The following GHRHR variants were observed in gnomAD, a reference collection of about 807,000 sequenced individuals.
The protein encoded by GHRHR is growth hormone-releasing hormone receptor.
In GHRHR, 40 loss-of-function variants were observed where a neutral mutation model predicts 58.3. That is an observed-to-expected ratio of 0.69 (90% CI 0.53 to 0.89). GHRHR has a LOEUF of 0.89. Among genes scored for constraint, GHRHR ranks in the 40% least tolerant of loss-of-function variants. The pLI is 0.00. For missense variants in GHRHR, 551 were observed against 541.3 expected (o/e 1.02, Z -0.18); for synonymous variants, 249 against 216.6 (o/e 1.15, Z -1.31).
chr7:30,965,261 A>G (rs1259792234), intron 1 of GHRHR, among the ~76,000 whole-genome samples: 1 of 152,178 alleles, frequency 6.6e-6, no homozygotes, highest in Non-Finnish European at 1.5e-5. Flanking sequence ...GTGGCCATTC[A>G]GCAGATGGTG....
At chr7:30,974,511 G>T in intron 8 of GHRHR, 22 bp downstream of exon 8, 6 of 1,564,238 alleles carry the variant, frequency 3.8e-6, no homozygotes, top group Non-Finnish European at 5.3e-6. Context: ...CGGCCACCTT[G>T]TCATACCCGC....
At chr7:30,968,357 A>G (rs902654218) in intron 1 of GHRHR, among the ~76,000 whole-genome samples, 4 of 152,040 alleles carry the variant, frequency 2.6e-5, no homozygotes, top group African/African-American at 9.7e-5. Context: ...ATGAGAATGG[A>G]GTTGGCCATC....
intron 1 of GHRHR, 101 bp from the exon 2 acceptor site, chr7:30,968,733 G>A (rs1792411194): frequency 1.3e-6 from 1 of 758,550 alleles, no homozygotes; most frequent in Non-Finnish European, 2.4e-6. Context: ...TTAGGGCACA[G>A]ATATGAATCA....
rs1361718232 is a variant in GHRHR at position 30,975,005 on chromosome 7, T to C, written c.847T>C (p.Trp283Arg). ...CCTGGACGACACCTCCCCCTACTGGTGGATCATCAAAGGGCCCATTGTCCT... is the reference window on the plus strand; with the variant it reads ...CCTGGACGACACCTCCCCCTACTGGCGGATCATCAAAGGGCCCATTGTCCT... ...WDLDDTSPYWWIIKGPIVLSV... is the reference protein window; with the variant it reads ...WDLDDTSPYWRIIKGPIVLSV... Residue 283 changes from tryptophan to arginine, a missense_variant, in exon 9 of 13, where the codon TGG (tryptophan) becomes CGG (arginine). Transcript: ENST00000326139. The C allele has an allele frequency of 7.4e-6, 12 of 1,613,110 alleles. No homozygotes were observed. The highest frequency in any genetic ancestry group is 8.5e-6 in the Non-Finnish European group (10 of 1,179,282).
intron 1 of GHRHR, among the ~76,000 whole-genome samples, chr7:30,966,703 C>T (rs1191486764): frequency 6.6e-6 from 1 of 151,884 alleles, no homozygotes; most frequent in East Asian, 1.9e-4. Flanking sequence ...AGTACAGTGG[C>T]ACAATCTCAG....
intron 9 of GHRHR, 82 bp from the exon 10 acceptor site, chr7:30,975,695 C>T (rs1792561757): frequency 5.0e-6 from 4 of 797,440 alleles, no homozygotes; most frequent in African/African-American, 3.4e-5. Flanking sequence ...TTTCTAGTCC[C>T]CAAATGGGCT....
intron 6 of GHRHR, 77 bp downstream of exon 6, chr7:30,972,172 C>T (rs1584413914): frequency 6.5e-7 from 1 of 1,530,654 alleles, no homozygotes; most frequent in Non-Finnish European, 9.0e-7. Flanking sequence ...GTGCCTGCGT[C>T]AGGCTTCCCT....
At chr7:30,977,189 G>A in intron 11 of GHRHR, 92 bp from the exon 12 acceptor site, 1 of 1,179,946 alleles carries the variant, frequency 8.5e-7, no homozygotes, top group East Asian at 2.3e-5. Flanking sequence ...CATAGCCTGG[G>A]GATGAGTAGG....
chr7:30,970,619 C>G (rs1792462240), intron 4 of GHRHR, among the ~76,000 whole-genome samples: 1 of 152,244 alleles, frequency 6.6e-6, no homozygotes, highest in Non-Finnish European at 1.5e-5. Flanking sequence ...GCTCCCTTCC[C>G]TTGCCTGCAC....
In GHRHR at chr7:30,964,137, G is replaced by T; in HGVS notation, c.57+12G>T. Reference sequence around the variant, plus strand: ...GCCCGTTACCGACCGTGAGTAGCCAGCTGAGACCCTCTGGCCTCTGCCACT... The same window carrying T: ...GCCCGTTACCGACCGTGAGTAGCCATCTGAGACCCTCTGGCCTCTGCCACT... On this transcript the variant is annotated intron_variant, in intron 1 of 12. Transcript: ENST00000326139. 1 of 1,546,534 alleles carries T rather than the reference G, an allele frequency of 6.5e-7. No homozygotes were observed.
At chr7:30,976,681 AT>A (rs1792591506) in intron 11 of GHRHR, 123 bp downstream of exon 11, 6 of 811,412 alleles carry the variant, frequency 7.4e-6, no homozygotes, top group Non-Finnish European at 1.0e-5. Context: ...ATCTATTCAA[AT>A]ATCTGTCTGT....
rs958401552 is a variant in GHRHR, at chr7:30,968,929, C to T, written c.153C>T (p.Thr51=). Residue 51 remains threonine (T), a synonymous_variant, in exon 2 of 13, where the codon ACC becomes ACT. Transcript: ENST00000326139. ...AAGCAGCAGAGGAGATGCCCAACAC[C>T]ACCCTGGGTATGGGGCCTAGGAGGC... ...CLQAAEEMPN[T]TLGCPATWDG... 2.5e-6 allele frequency: 4 copies of T among 1,610,358 alleles called. No individual in the cohort carries two copies. Among genetic ancestry groups the T allele is most frequent in the Non-Finnish European group, 2.5e-6 (3 of 1,176,734 alleles).
At chr7:30,973,617 T>C (rs1028604369) in intron 6 of GHRHR, among the ~76,000 whole-genome samples, 2 of 152,204 alleles carry the variant, frequency 1.3e-5, no homozygotes, top group African/African-American at 2.4e-5. Flanking sequence ...AGGGATTGAC[T>C]TCAGCTCAGG....
chr7:30,979,044 C>A lies in GHRHR; in HGVS notation c.1147-75C>A, dbSNP rs1443142262. The A allele has an allele frequency of 5.0e-6, 7 of 1,398,714 alleles. No homozygotes were observed. The East Asian group carries it at 1.1e-4, about 23-fold the overall frequency. 86.6% of individuals were successfully genotyped at this position (1,398,714 alleles called of 1,614,324 possible). A position where few individuals can be genotyped will look rare whatever the true frequency, so the allele number is the denominator to read the frequency against. ...GTTTCTCTTACACGGCCTCTCCCTG[C>A]ACCTTAGTCTCATTGGGGTTGAGTA... On this transcript the variant is annotated intron_variant, in intron 12 of 12. Coordinates refer to ENST00000326139, the MANE Select transcript of GHRHR (RefSeq NM_000823.4).
chr7:30,977,767 G>T (rs1010400824), intron 12 of GHRHR, among the ~76,000 whole-genome samples: 1 of 152,176 alleles, frequency 6.6e-6, no homozygotes, highest in Admixed American at 6.5e-5. Context: ...ATAATCAGAT[G>T]CAGAGACAAA....
At chr7:30,968,689 C>A in intron 1 of GHRHR, 145 bp from the exon 2 acceptor site, 2 of 421,426 alleles carry the variant, frequency 4.7e-6, no homozygotes, top group Non-Finnish European at 9.4e-6. Flanking sequence ...ACCAAACACA[C>A]CTGAAACTAC....
At chr7:30,965,376 G>C (rs868444636) in intron 1 of GHRHR, among the ~76,000 whole-genome samples, 21 of 151,686 alleles carry the variant, frequency 1.4e-4, no homozygotes, top group Middle Eastern at 3.4e-3. Context: ...GGGGGTCCAG[G>C]GCGATGGAGC....
chr7:30,972,064 G>T lies in GHRHR; in HGVS notation c.566G>T (p.Ser189Ile), dbSNP rs1792491692. The T allele has an allele frequency of 6.2e-7, 1 of 1,613,958 alleles. No individual in the cohort carries two copies. The highest frequency in any genetic ancestry group is 8.5e-7 in the Non-Finnish European group (1 of 1,180,038). Residue 189 changes from serine (S) to isoleucine (I), a missense_variant, in exon 6 of 13, where the codon AGC (serine) becomes ATC (isoleucine). Physicochemically the swap from Ser to Ile is moderately radical, Grantham distance 142. Transcript: ENST00000326139. ...VFLKDAALFH[S>I]DDTDHCSFST... ...CTGAAGGATGCTGCCCTTTTCCACA[G>T]CGACGACACTGACCACTGCAGCTTC...
chr7:30,972,500 G>A (rs1792500047), intron 6 of GHRHR, among the ~76,000 whole-genome samples: 2 of 152,182 alleles, frequency 1.3e-5, no homozygotes. Context: ...ACAGATTAGG[G>A]GACTCCCAAG....
Sources: allele counts gnomAD v4.1 joint callset (sites outside exome capture counted in the v4.1 genomes callset), GRCh38; gene constraint gnomAD v4.1.1; transcripts MANE v1.5; gene names NCBI Gene and HGNC (gene_info 2026-07-23, HGNC 2026-07-21).